ELMO1: variants seen among roughly 807,000 people sequenced by gnomAD.
ELMO1 encodes the protein engulfment and cell motility protein 1.
ELMO1 carries 26 observed loss-of-function variants against 98.9 expected under a neutral mutation model. That is an observed-to-expected ratio of 0.26 (90% confidence interval 0.19 to 0.36). The LOEUF is 0.36. Among genes scored for constraint, ELMO1 ranks in the 10% least tolerant of loss-of-function variants. The probability of loss-of-function intolerance (pLI) is 1.00; values close to 1 mark genes in which losing one functional copy is unlikely to be tolerated. For synonymous variants in ELMO1, 346 were observed against 346.0 expected (o/e 1.00, Z 0.00); for missense variants, 627 against 935.2 (o/e 0.67, Z 4.30).
intron 16 of ELMO1, among the ~76,000 whole-genome samples, chr7:36,978,810 T>A (rs1227378518): frequency 1.3e-5 from 2 of 152,182 alleles, no homozygotes; most frequent in Non-Finnish European, 2.9e-5. Context: ...ACCCTAGAAA[T>A]AGGTTTCCAA....
intron 1 of ELMO1, among the ~76,000 whole-genome samples, chr7:37,356,291 G>A (rs983543655): frequency 3.9e-5 from 6 of 152,142 alleles, no homozygotes; most frequent in African/African-American, 1.4e-4. Flanking sequence ...ATAGTAGATT[G>A]ATTTATAGTC....
chr7:37,170,811 T>C lies in ELMO1; in HGVS notation c.1087-37577A>G, dbSNP rs1410208651. Among the ~76,000 whole-genome samples, 3 of 152,190 alleles carry C rather than the reference T, an allele frequency of 2.0e-5. No homozygotes were observed. In the East Asian group the frequency reaches 5.8e-4, roughly 29 times the overall value. On this transcript the variant is annotated intron_variant, in intron 13 of 21. Transcript: ENST00000310758. ...TAGTAGAGACGGGGTTTCAACATGT[T>C]GGACAGACTAGTCTCAAACTCATGG...
chr7:36,897,987 T>C (rs989726869), intron 16 of ELMO1, among the ~76,000 whole-genome samples: 1 of 152,230 alleles, frequency 6.6e-6, no homozygotes. Flanking sequence ...TAGCTTCACC[T>C]ACTTCACTTC....
chr7:37,123,909 T>A (rs1335628864), intron 14 of ELMO1, among the ~76,000 whole-genome samples: 5 of 152,168 alleles, frequency 3.3e-5, no homozygotes, highest in Non-Finnish European at 5.9e-5. Flanking sequence ...GCAAACCGAA[T>A]CCAGCAGCAC....
chr7:36,881,912 G>A (rs554082448), intron 18 of ELMO1, among the ~76,000 whole-genome samples: 5 of 152,250 alleles, frequency 3.3e-5, no homozygotes, highest in African/African-American at 9.6e-5. Context: ...TTAAACAGCC[G>A]TAGGTAGTTC....
At chr7:37,156,465 T>C (rs1029544174) in intron 13 of ELMO1, among the ~76,000 whole-genome samples, 13 of 151,824 alleles carry the variant, frequency 8.6e-5, no homozygotes, top group African/African-American at 2.9e-4. Flanking sequence ...ATCAAGTAGA[T>C]GCAATAAAAA....
intron 13 of ELMO1, 139 bp from the exon 14 acceptor site, chr7:37,133,373 C>A: frequency 1.7e-6 from 1 of 603,486 alleles, no homozygotes; most frequent in Non-Finnish European, 2.8e-6. Flanking sequence ...TTTTCTATCT[C>A]CATGTAAACC....
intron 20 of ELMO1, among the ~76,000 whole-genome samples, chr7:36,869,120 T>A (rs1803293771): frequency 6.6e-6 from 1 of 152,216 alleles, no homozygotes; most frequent in Non-Finnish European, 1.5e-5. Flanking sequence ...GGAGAAGAGA[T>A]AAACGGAAAC....
intron 16 of ELMO1, among the ~76,000 whole-genome samples, chr7:36,915,463 G>C (rs529133075): frequency 3.3e-5 from 5 of 151,960 alleles, no homozygotes; most frequent in African/African-American, 1.2e-4. Flanking sequence ...AGAAAGCAAA[G>C]ATCTCCAAAG....
At chr7:37,239,803 C>T (rs1794664809) in intron 7 of ELMO1, among the ~76,000 whole-genome samples, 1 of 152,194 alleles carries the variant, frequency 6.6e-6, no homozygotes, top group African/African-American at 2.4e-5. Flanking sequence ...AATGACCAGG[C>T]TCTGGTATCC....
chr7:37,091,754 A>G (rs149904724), intron 15 of ELMO1, among the ~76,000 whole-genome samples: 8,247 of 152,256 alleles, frequency 0.054, 611 homozygotes, highest in African/African-American at 0.17. Flanking sequence ...GACTCACAGC[A>G]CCACGTGGCT....
At chr7:37,389,858 C>T (rs1157212031) in intron 1 of ELMO1, among the ~76,000 whole-genome samples, 3 of 152,112 alleles carry the variant, frequency 2.0e-5, no homozygotes, top group African/African-American at 7.2e-5. Flanking sequence ...GTGCAACCCT[C>T]ATTAGGGAGA....
At chr7:36,965,304 A>C (rs545689282) in intron 16 of ELMO1, among the ~76,000 whole-genome samples, 121 of 152,312 alleles carry the variant, frequency 7.9e-4, no homozygotes, top group African/African-American at 2.8e-3. Context: ...AGTGTCTAGA[A>C]GAGGGAGGGC....
intron 4 of ELMO1, among the ~76,000 whole-genome samples, chr7:37,286,387 T>C (rs1442334638): frequency 6.6e-6 from 1 of 152,184 alleles, no homozygotes; most frequent in Non-Finnish European, 1.5e-5. Context: ...CACCTGGGAA[T>C]TTGGCACAGC....
chr7:37,205,310 C>T (rs981240610), intron 13 of ELMO1, among the ~76,000 whole-genome samples: 4 of 152,156 alleles, frequency 2.6e-5, no homozygotes, highest in Admixed American at 6.5e-5. Flanking sequence ...ATTGTTTCTG[C>T]GAGCCTCTGA....
At chr7:37,072,076 A>C (rs1031719017) in intron 15 of ELMO1, among the ~76,000 whole-genome samples, 4 of 152,336 alleles carry the variant, frequency 2.6e-5, no homozygotes, top group African/African-American at 9.6e-5. Context: ...TCTAAAACTT[A>C]CAAAAATTAG....
intron 1 of ELMO1, chr7:37,375,685 C>G (rs17136677): frequency 8.0e-7 from 1 of 1,257,634 alleles, no homozygotes; most frequent in Non-Finnish European, 1.2e-6. Flanking sequence ...TCTCAAGTCC[C>G]GAGGCTGTGT....
chr7:37,414,576 C>T (rs1804133698), intron 1 of ELMO1, among the ~76,000 whole-genome samples: 1 of 152,180 alleles, frequency 6.6e-6, no homozygotes, highest in Non-Finnish European at 1.5e-5. Context: ...GGGGAATCTG[C>T]CCTGTGGCCA....
chr7:37,173,514 G>A (rs1311946138), intron 13 of ELMO1, among the ~76,000 whole-genome samples: 1 of 152,060 alleles, frequency 6.6e-6, no homozygotes, highest in African/African-American at 2.4e-5. Flanking sequence ...AAGCTACATT[G>A]CAAAAGCACA....
Sources: allele counts gnomAD v4.1 joint callset (sites outside exome capture counted in the v4.1 genomes callset), GRCh38; gene constraint gnomAD v4.1.1; transcripts MANE v1.5; gene names NCBI Gene and HGNC (gene_info 2026-07-23, HGNC 2026-07-21).